Variants in MGAT5 observed in about 807,000 individuals in gnomAD.
MGAT5 encodes the protein alpha-1,6-mannosylglycoprotein 6-beta-N-acetylglucosaminyltransferase A.
In MGAT5, 30 loss-of-function variants were observed where a neutral mutation model predicts 94.3. The observed-to-expected ratio is 0.32, with a 90% CI of 0.24 to 0.43. The LOEUF is 0.43. Among genes scored for constraint, MGAT5 ranks in the 20% least tolerant of loss-of-function variants. The pLI, the probability that MGAT5 is intolerant of heterozygous loss-of-function variation, is 1.00. For missense variants in MGAT5, 691 were observed against 905.5 expected, an observed-to-expected ratio of 0.76 and a Z score of 3.04; for synonymous variants, 310 against 322.9, an observed-to-expected ratio of 0.96 and a Z score of 0.43.
intron 4 of MGAT5, among the ~76,000 whole-genome samples, chr2:134,328,333 T>G (rs752832982): frequency 6.2e-4 from 95 of 152,184 alleles, no homozygotes; most frequent in Non-Finnish European, 1.1e-3. Flanking sequence ...TATTCCTCCC[T>G]GTCTTGTCAG....
At position 134,358,333 on chromosome 2, in the gene MGAT5, AT is replaced by A. The variant is rs532268725; in HGVS notation, c.1247-3941del. On this transcript the variant is annotated intron_variant, in intron 9 of 15. Coordinates refer to ENST00000281923, the MANE Select transcript of MGAT5 (RefSeq NM_002410.5). ...TAGTGGTTATTTCTAGGTGATGAAA[AT>A]GTAACTTATTTTTTCTCATATCTTT... Among the ~76,000 whole-genome samples, 402 of 152,298 alleles carry A rather than the reference AT, an allele frequency of 2.6e-3. 6 individuals carry two copies. Among genetic ancestry groups the A allele is most frequent in the Non-Finnish European group, 8.4e-4 (57 of 68,028 alleles).
At chr2:134,443,823 A>G (rs1449946710) in intron 15 of MGAT5, among the ~76,000 whole-genome samples, 1 of 152,202 alleles carries the variant, frequency 6.6e-6, no homozygotes, top group Non-Finnish European at 1.5e-5. Context: ...GGAATTCACT[A>G]GTTACAGACT....
intron 1 of MGAT5, among the ~76,000 whole-genome samples, chr2:134,258,598 GTCTC>G (rs757690032): frequency 1.8e-4 from 28 of 152,228 alleles, no homozygotes; most frequent in African/African-American, 5.8e-4. Context: ...CTCTGGGTGA[GTCTC>G]TCTCTCTACT....
chr2:134,385,478 A>C (rs1239162525), intron 10 of MGAT5, among the ~76,000 whole-genome samples: 1 of 152,200 alleles, frequency 6.6e-6, no homozygotes, highest in South Asian at 2.1e-4. Flanking sequence ...TGTGACTAGA[A>C]TGTCCTTAGT....
At chr2:134,272,368 T>TG (rs962693522) in intron 2 of MGAT5, among the ~76,000 whole-genome samples, 5 of 113,942 alleles carry the variant, frequency 4.4e-5, no homozygotes, top group African/African-American at 2.8e-4. Context: ...TGTTGTGTTT[T>TG]GTTTTTTTTT....
At chr2:134,386,510 G>A (rs1461839702) in intron 10 of MGAT5, among the ~76,000 whole-genome samples, 1 of 152,200 alleles carries the variant, frequency 6.6e-6, no homozygotes, top group African/African-American at 2.4e-5. Flanking sequence ...GACTCCAGCT[G>A]CTTCTGTCTT....
chr2:134,225,798 C>T (rs1167706122), intron 1 of MGAT5, among the ~76,000 whole-genome samples: 1 of 152,150 alleles, frequency 6.6e-6, no homozygotes, highest in Non-Finnish European at 1.5e-5. Context: ...AACTACATCT[C>T]GTGATAGCAT....
chr2:134,234,545 C>T (rs1018777697), intron 1 of MGAT5, among the ~76,000 whole-genome samples: 2 of 152,240 alleles, frequency 1.3e-5, no homozygotes, highest in African/African-American at 4.8e-5. Flanking sequence ...AGTTTGTTCA[C>T]CCTACCTTGA....
intron 5 of MGAT5, among the ~76,000 whole-genome samples, 184 bp downstream of exon 5, chr2:134,336,472 ACTGAGCAATTCT>A (rs1220860624): frequency 6.6e-6 from 1 of 152,128 alleles, no homozygotes; most frequent in Non-Finnish European, 1.5e-5. Flanking sequence ...AGGTTTGTTT[ACTGAGCAATTCT>A]CTGAGGGTTC....
intron 2 of MGAT5, among the ~76,000 whole-genome samples, chr2:134,286,364 G>A (rs1288611730): frequency 6.6e-6 from 1 of 151,956 alleles, no homozygotes; most frequent in Admixed American, 6.6e-5. Context: ...CCCTTTGTTG[G>A]TTTCTTGCCT....
intron 1 of MGAT5, among the ~76,000 whole-genome samples, chr2:134,222,501 C>G (rs1243910066): frequency 1.3e-5 from 2 of 152,388 alleles, no homozygotes; most frequent in Admixed American, 1.3e-4. Flanking sequence ...AATTTCTTTT[C>G]CAGCCAATTT....
intron 2 of MGAT5, among the ~76,000 whole-genome samples, chr2:134,271,955 T>C (rs1573666645): frequency 6.6e-6 from 1 of 152,244 alleles, no homozygotes; most frequent in African/African-American, 2.4e-5. Flanking sequence ...TTCTGTGTCA[T>C]ATTTCTGGAG....
At chr2:134,172,213 G>C (rs575821322) in intron 1 of MGAT5, among the ~76,000 whole-genome samples, 342 of 152,250 alleles carry the variant, frequency 2.2e-3, no homozygotes, top group Non-Finnish European at 3.5e-3. Flanking sequence ...ACATCATCAT[G>C]GTGTCAGTGG....
In MGAT5 at chr2:134,310,530, T is replaced by C. The variant is rs140994214; in HGVS notation, c.407-6999T>C. Among the ~76,000 whole-genome samples, 198 of 152,280 alleles carry C rather than the reference T, an allele frequency of 1.3e-3. 2 individuals are homozygous for C. The highest frequency in any genetic ancestry group is 4.5e-3 in the African/African-American group (188 of 41,558). On this transcript the variant is annotated intron_variant, in intron 2 of 15. Coordinates refer to ENST00000281923, the MANE Select transcript of MGAT5 (RefSeq NM_002410.5). ...ATTAAAAAACAAAACAAAAATGATA[T>C]ATAAACAAGTATTTTCAAAGATCCC...
chr2:134,381,386 A>ATAGATAAGATAAGATAGAT (rs1558841757), intron 10 of MGAT5, among the ~76,000 whole-genome samples: 2 of 95,334 alleles, frequency 2.1e-5, no homozygotes, highest in Admixed American at 1.1e-4. Flanking sequence ...GATAGATTAG[A>ATAGATAAGATAAGATAGAT]TAGATAGATA....
At chr2:134,149,017 G>A (rs926738533) in intron 1 of MGAT5, among the ~76,000 whole-genome samples, 1 of 151,958 alleles carries the variant, frequency 6.6e-6, no homozygotes, top group African/African-American at 2.4e-5. Flanking sequence ...TGCCCACCTC[G>A]GCCTTCCAAA....
At chr2:134,385,679 C>T (rs1433595859) in intron 10 of MGAT5, among the ~76,000 whole-genome samples, 1 of 152,002 alleles carries the variant, frequency 6.6e-6, no homozygotes, top group Non-Finnish European at 1.5e-5. Flanking sequence ...AAGGTACACA[C>T]GTAAGGTTGG....
chr2:134,435,400 T>C (rs571012952), intron 14 of MGAT5, among the ~76,000 whole-genome samples: 1 of 152,330 alleles, frequency 6.6e-6, no homozygotes, highest in South Asian at 2.1e-4. Flanking sequence ...CCTCGTGTCT[T>C]TTCCCAGCTG....
At chr2:134,154,746 T>C (rs1687395730) in intron 1 of MGAT5, among the ~76,000 whole-genome samples, 1 of 152,204 alleles carries the variant, frequency 6.6e-6, no homozygotes, top group Admixed American at 6.5e-5. Flanking sequence ...ACACGAGCCA[T>C]CCTGACAACT....
Sources: allele counts gnomAD v4.1 joint callset (sites outside exome capture counted in the v4.1 genomes callset), GRCh38; gene constraint gnomAD v4.1.1; transcripts MANE v1.5; gene names NCBI Gene and HGNC (gene_info 2026-07-23, HGNC 2026-07-21).